The following ZNF486 variants were observed in gnomAD, a reference collection of about 807,000 sequenced individuals.
The protein encoded by ZNF486 is zinc finger protein 486.
In ZNF486, 12 loss-of-function variants were observed where a neutral mutation model predicts 12.8. The observed-to-expected ratio is 0.94, with a 90% CI of 0.60 to 1.52. ZNF486 has a LOEUF of 1.52. ZNF486 is among the 40% of genes most tolerant of loss of function. The pLI is 0.00. For missense variants in ZNF486, 738 were observed against 545.0 expected, an observed-to-expected ratio of 1.35 and a Z score of -3.53; for synonymous variants, 231 against 184.9, an observed-to-expected ratio of 1.25 and a Z score of -2.02.
chr19:20,177,935 C>CT (rs1241165221), intron 1 of ZNF486, among the ~76,000 whole-genome samples: 7 of 145,174 alleles, frequency 4.8e-5, no homozygotes, highest in East Asian at 4.0e-4. Context: ...AACATTTGTT[C>CT]TTTTTTTTTG....
intron 3 of ZNF486, among the ~76,000 whole-genome samples, chr19:20,195,611 A>G (rs975571798): frequency 2.6e-5 from 4 of 152,232 alleles, no homozygotes; most frequent in Non-Finnish European, 5.9e-5. Flanking sequence ...AATTAACAAA[A>G]AGCTACCTGT....
chr19:20,178,182 CCT>C (rs2089744091), intron 1 of ZNF486, among the ~76,000 whole-genome samples: 1 of 152,096 alleles, frequency 6.6e-6, no homozygotes, highest in African/African-American at 2.4e-5. Flanking sequence ...CCCGCCTAGG[CCT>C]CCCAAAGTCC....
At chr19:20,193,739 C>T (rs1348185701) in intron 3 of ZNF486, among the ~76,000 whole-genome samples, 2 of 151,960 alleles carry the variant, frequency 1.3e-5, no homozygotes, top group African/African-American at 4.8e-5. Flanking sequence ...AATAGAAAAA[C>T]TTACTGTTAT....
chr19:20,170,741 G>A (rs2089639750), intron 1 of ZNF486, among the ~76,000 whole-genome samples: 1 of 152,194 alleles, frequency 6.6e-6, no homozygotes, highest in Non-Finnish European at 1.5e-5. Flanking sequence ...TTTTTCTGGA[G>A]TACACAACAA....
intron 3 of ZNF486, among the ~76,000 whole-genome samples, chr19:20,189,056 T>C (rs1181083520): frequency 1.3e-5 from 2 of 152,296 alleles, no homozygotes; most frequent in Non-Finnish European, 2.9e-5. Flanking sequence ...TTTTCAAATA[T>C]GTCTTCCAGG....
chr19:20,198,897 A>T lies in ZNF486; in HGVS notation c.*795A>T, dbSNP rs2089987494. 6.6e-6 allele frequency: 1 copy of T among 152,316 alleles called. No individual in the cohort carries two copies. The highest frequency in any genetic ancestry group is 6.5e-5 in the Admixed American group (1 of 15,272). The allele number at this position is 152,316 out of a possible 1,614,324, so 9.4% of individuals were successfully genotyped here. On this transcript the variant is annotated 3_prime_UTR_variant, in exon 4 of 4. Coordinates refer to ENST00000335117, the MANE Select transcript of ZNF486 (RefSeq NM_052852.4). ...ACTTTACAAACCTGAAAGATGTGAC[A>T]GTGCTTTTCCCAACACCTCCAACTT...
intron 1 of ZNF486, among the ~76,000 whole-genome samples, chr19:20,174,516 G>A (rs1402618187): frequency 6.6e-6 from 1 of 151,868 alleles, no homozygotes. Context: ...AGCCTTCCGA[G>A]TAGCTGGGAT....
chr19:20,169,960 G>A (rs113148885), intron 1 of ZNF486, among the ~76,000 whole-genome samples: 10,542 of 145,224 alleles, frequency 0.073, 569 homozygotes, highest in African/African-American at 0.16. Flanking sequence ...GCGCGATCTC[G>A]GCTCACTGCA....
At chr19:20,173,847 T>A (rs943657769) in intron 1 of ZNF486, among the ~76,000 whole-genome samples, 9 of 151,646 alleles carry the variant, frequency 5.9e-5, no homozygotes, top group Non-Finnish European at 1.3e-4. Context: ...AAAAAAAACT[T>A]CCAAAAAAAT....
intron 1 of ZNF486, among the ~76,000 whole-genome samples, chr19:20,177,661 G>A (rs532307323): frequency 7.3e-5 from 11 of 151,612 alleles, no homozygotes; most frequent in South Asian, 2.1e-4. Context: ...CACTAACCCC[G>A]CCTCCCAGGT....
At position 20,197,172 on chromosome 19, in the gene ZNF486, T is replaced by G. The variant is rs782339788; in HGVS notation, c.462T>G (p.Phe154Leu). The change falls in exon 4 of 4, where the codon TTT (phenylalanine) becomes TTG (leucine). Residue 154 changes from phenylalanine to leucine, a missense_variant. Transcript: ENST00000335117. ...QCLTTTQSKI[F>L]QCGKYVKVFH... is the part of the protein sequence containing the mutation. ...TGACAACTACCCAGAGCAAAATATT[T>G]CAATGTGGTAAATATGTGAAAGTCT... 6.2e-7 allele frequency: 1 copy of G among 1,613,868 alleles called. No individual in the cohort carries two copies. Among genetic ancestry groups the G allele is most frequent in the Non-Finnish European group, 8.5e-7 (1 of 1,179,948 alleles).
In ZNF486 at chr19:20,183,567, G is replaced by C. The variant is rs147041926; in HGVS notation, c.31-789G>C. On this transcript the variant is annotated intron_variant, in intron 1 of 3. Coordinates refer to ENST00000335117, the MANE Select transcript of ZNF486 (RefSeq NM_052852.4). ...TTGGGAGGAATATTTCAACAGTGAT[G>C]CTGTGTTCTTCTGTGTGAATTAGGA... Among the ~76,000 whole-genome samples, 1,405 of 152,202 alleles carry C rather than the reference G, an allele frequency of 9.2e-3. 25 individuals carry two copies. The highest frequency in any genetic ancestry group is 0.032 in the African/African-American group (1,347 of 41,496).
chr19:20,197,515 G>T lies in ZNF486; in HGVS notation c.805G>T (p.Glu269Ter). ...IHSGEKPYICEECGKAFMYPY... is the reference protein window; with the variant it reads ...IHSGEKPYIC ...TAGTGGAGAGAAACCCTACATTTGT[G>T]AAGAATGTGGCAAAGCCTTTATGTA... The change falls in exon 4 of 4, where the codon GAA (glutamate) becomes TAA (stop). Residue 269 changes from glutamate (E) to a stop codon, truncating the protein, a stop_gained. Coordinates refer to ENST00000335117, the MANE Select transcript of ZNF486 (RefSeq NM_052852.4). LOFTEE classifies it low-confidence loss of function (END_TRUNC). The T allele has an allele frequency of 6.2e-7, 1 of 1,612,348 alleles. No individual in the cohort carries two copies. The highest frequency in any genetic ancestry group is 8.5e-7 in the Non-Finnish European group (1 of 1,179,224).
chr19:20,190,568 A>T (rs2089892301), intron 3 of ZNF486, among the ~76,000 whole-genome samples: 1 of 152,078 alleles, frequency 6.6e-6, no homozygotes, highest in Admixed American at 6.5e-5. Flanking sequence ...GCTTGTTTGC[A>T]GTGTTAGGAT....
chr19:20,190,169 C>G (rs544846991), intron 3 of ZNF486, among the ~76,000 whole-genome samples: 1 of 152,250 alleles, frequency 6.6e-6, no homozygotes, highest in South Asian at 2.1e-4. Context: ...ATCTTTGTGT[C>G]AGTATCACAT....
chr19:20,169,118 ATTTT>A, intron 1 of ZNF486, among the ~76,000 whole-genome samples: 1 of 151,396 alleles, frequency 6.6e-6, no homozygotes, highest in East Asian at 1.9e-4. Flanking sequence ...GGGTTACTAC[ATTTT>A]TTTTATTTTG....
At chr19:20,174,552 C>T (rs571056287) in intron 1 of ZNF486, among the ~76,000 whole-genome samples, 2 of 152,120 alleles carry the variant, frequency 1.3e-5, no homozygotes, top group East Asian at 3.9e-4. Context: ...CTGTTCCTGG[C>T]TAAGTTTTTG....
Position 20,170,576 on chromosome 19 carries a change from G to GA in ZNF486, c.30+3226dup, listed in dbSNP as rs1193135992. Among the ~76,000 whole-genome samples, 204 of 145,624 alleles carry GA rather than the reference G, an allele frequency of 1.4e-3. 2 individuals carry two copies. Among genetic ancestry groups the GA allele is most frequent in the South Asian group, 3.5e-3 (16 of 4,576 alleles). On this transcript the variant is annotated intron_variant, in intron 1 of 3. Coordinates refer to ENST00000335117, the MANE Select transcript of ZNF486 (RefSeq NM_052852.4). The stretch of plus-strand genomic sequence containing the variant: ...GCAGCAGAGTGAGACTTCATCACAA[G>GA]AAAAAAAAAAGAAATTTGACCACTG...
chr19:20,189,657 T>C (rs2089883959), intron 3 of ZNF486, among the ~76,000 whole-genome samples: 1 of 152,202 alleles, frequency 6.6e-6, no homozygotes, highest in South Asian at 2.1e-4. Context: ...AATCTTTTTG[T>C]TCATTTTTAA....
Sources: gnomAD v4.1 joint callset for allele counts (sites outside exome capture counted in the v4.1 genomes callset) on GRCh38, gnomAD v4.1.1 for gene constraint, MANE v1.5 for transcripts, NCBI Gene and HGNC (gene_info 2026-07-23, HGNC 2026-07-21) for gene names.